The following ZFHX3 variants were observed in gnomAD, a reference collection of about 807,000 sequenced individuals.
ZFHX3 encodes zinc finger homeobox 3, also known as zinc finger homeobox protein 3.
Under a neutral mutation model 279.1 loss-of-function variants are expected in ZFHX3, and 42 were observed. The ratio of observed to expected loss-of-function variants is 0.15; its 90% CI spans 0.12 to 0.19. The LOEUF is 0.19. ZFHX3 is among the 10% of genes least tolerant of loss of function. The probability of loss-of-function intolerance (pLI) is 1.00; values close to 1 mark genes in which losing one functional copy is unlikely to be tolerated. For synonymous variants in ZFHX3, 2,293 were observed against 1,957.8 expected, an observed-to-expected ratio of 1.17 and a Z score of -4.52; for missense variants, 4,981 against 4,754.0, an observed-to-expected ratio of 1.05 and a Z score of -1.40.
intron 1 of ZFHX3, among the ~76,000 whole-genome samples, chr16:73,012,153 G>C (rs922533403): frequency 6.6e-6 from 1 of 152,172 alleles, no homozygotes; most frequent in Non-Finnish European, 1.5e-5. Flanking sequence ...CTGAGAACTT[G>C]ATCTCAAGTC....
chr16:73,148,182 G>A (rs980791656), intron 5 of ZFHX3, among the ~76,000 whole-genome samples: 1 of 152,194 alleles, frequency 6.6e-6, no homozygotes, highest in African/African-American at 2.4e-5. Flanking sequence ...GACTTGTTAT[G>A]ACAGAGACAG....
chr16:73,174,082 G>A (rs796345810), intron 5 of ZFHX3, among the ~76,000 whole-genome samples: 7 of 152,210 alleles, frequency 4.6e-5, no homozygotes, highest in African/African-American at 1.7e-4. Flanking sequence ...GTTAATGACC[G>A]GCTTGAGGTT....
intron 3 of ZFHX3, among the ~76,000 whole-genome samples, chr16:73,449,247 G>A (rs147496023): frequency 1.3e-5 from 2 of 152,156 alleles, no homozygotes; most frequent in African/African-American, 4.8e-5. Context: ...ATTTATTCTT[G>A]TGTGTTTATT....
At chr16:72,904,245 A>C (rs1004845120) in intron 3 of ZFHX3, among the ~76,000 whole-genome samples, 2 of 151,942 alleles carry the variant, frequency 1.3e-5, no homozygotes, top group African/African-American at 4.8e-5. Context: ...AGGCTCCTAT[A>C]ATCCCAGCTA....
intron 1 of ZFHX3, among the ~76,000 whole-genome samples, chr16:73,020,835 T>C (rs1374410293): frequency 6.6e-6 from 1 of 152,186 alleles, no homozygotes; most frequent in Non-Finnish European, 1.5e-5. Context: ...TGCAGCAGGA[T>C]GTCTTCCTAT....
chr16:73,672,219 CAG>C (rs890064526), intron 2 of ZFHX3, among the ~76,000 whole-genome samples: 14 of 152,272 alleles, frequency 9.2e-5, no homozygotes, highest in African/African-American at 3.4e-4. Context: ...ATTCCCATCT[CAG>C]AATCAGATTT....
chr16:73,124,810 G>A (rs1966542769), intron 7 of ZFHX3, among the ~76,000 whole-genome samples: 1 of 152,232 alleles, frequency 6.6e-6, no homozygotes, highest in South Asian at 2.1e-4. Context: ...GACAGAGCAG[G>A]TGGGGTCAAG....
chr16:73,859,509 T>C (rs1961826619), intron 1 of ZFHX3, among the ~76,000 whole-genome samples: 1 of 152,182 alleles, frequency 6.6e-6, no homozygotes, highest in Non-Finnish European at 1.5e-5. Flanking sequence ...AGTCATTGCA[T>C]TTCTCCATCA....
In ZFHX3 at chr16:73,260,680, G is replaced by GTTTTTTT. The variant is rs370384540; in HGVS notation, c.-1193-3551_-1193-3545dup. On this transcript the variant is annotated intron_variant, in intron 4 of 17. Coordinates refer to the ZFHX3 transcript ENST00000641206. ...TCTTTGTTAGTGGTGCACCTATCTG[G>GTTTTTTT]TTTTTTTTTTTTTTTTTTTTTTTTT... Among the ~76,000 whole-genome samples, 69 of 88,398 alleles carry GTTTTTTT rather than the reference G, an allele frequency of 7.8e-4. 2 individuals are homozygous for GTTTTTTT. The highest frequency in any genetic ancestry group is 5.4e-4 in the Non-Finnish European group (25 of 46,696). The allele number at this position is 88,398 out of a possible 152,430, so 58.0% of individuals were successfully genotyped here.
At chr16:73,859,438 C>T (rs1435161627) in intron 1 of ZFHX3, among the ~76,000 whole-genome samples, 1 of 152,158 alleles carries the variant, frequency 6.6e-6, no homozygotes, top group Non-Finnish European at 1.5e-5. Flanking sequence ...CCACCTGGTA[C>T]AAGGGGAAGA....
intron 4 of ZFHX3, among the ~76,000 whole-genome samples, chr16:72,883,025 T>TAGC (rs2038531200): frequency 6.8e-6 from 1 of 147,068 alleles, no homozygotes; most frequent in African/African-American, 2.5e-5. Flanking sequence ...TGTGTGTGTG[T>TAGC]GTGTGTGTGT....
chr16:73,473,371 A>AAAAAAC (rs2018709703), intron 2 of ZFHX3, among the ~76,000 whole-genome samples: 12 of 150,608 alleles, frequency 8.0e-5, no homozygotes, highest in African/African-American at 2.7e-4. Flanking sequence ...AAAAAAAAAA[A>AAAAAAC]ACAAAATAAT....
intron 5 of ZFHX3, among the ~76,000 whole-genome samples, chr16:73,151,418 T>G (rs74826966): frequency 6.6e-6 from 1 of 152,074 alleles, no homozygotes; most frequent in African/African-American, 2.4e-5. Flanking sequence ...AACAGCATTC[T>G]GTAGCAGGAA....
intron 3 of ZFHX3, among the ~76,000 whole-genome samples, chr16:73,425,676 G>A (rs1459818770): frequency 6.6e-6 from 1 of 152,100 alleles, no homozygotes; most frequent in Non-Finnish European, 1.5e-5. Flanking sequence ...GTGTGTGATG[G>A]AACAAAAGAA....
chr16:72,956,171 G>A lies in ZFHX3; in HGVS notation c.2719+1256C>T, dbSNP rs1398996238. ...GGAATGCTTTGAAATATAACTCATC[G>A]GCAACAATTAGCACTCAAACACCAC... is the stretch of plus-strand genomic sequence containing the variant. On this transcript the variant is annotated intron_variant, in intron 2 of 9. Transcript: ENST00000268489. Among the ~76,000 whole-genome samples the A allele has an allele frequency of 2.0e-5, 3 of 152,074 alleles. 1 individual carries two copies. The highest frequency in any genetic ancestry group is 2.0e-4 in the Admixed American group (3 of 15,278).
At chr16:73,814,807 A>T (rs1001452664) in intron 1 of ZFHX3, among the ~76,000 whole-genome samples, 1 of 152,098 alleles carries the variant, frequency 6.6e-6, no homozygotes, top group East Asian at 1.9e-4. Context: ...ACCTTAGGTG[A>T]TGTGCCCACC....
intron 2 of ZFHX3, among the ~76,000 whole-genome samples, chr16:73,633,801 G>A (rs2052500432): frequency 6.6e-6 from 1 of 152,076 alleles, no homozygotes; most frequent in African/African-American, 2.4e-5. Context: ...AGGAGGCTGA[G>A]GTGAGAGAAT....
chr16:73,278,825 C>T (rs968670583), intron 4 of ZFHX3, among the ~76,000 whole-genome samples: 6 of 152,218 alleles, frequency 3.9e-5, no homozygotes, highest in Middle Eastern at 3.4e-3. Context: ...CTGATTGGTG[C>T]ATTTTACAAT....
chr16:73,761,631 C>T (rs1371414602), intron 1 of ZFHX3, among the ~76,000 whole-genome samples: 1 of 152,154 alleles, frequency 6.6e-6, no homozygotes, highest in East Asian at 1.9e-4. Flanking sequence ...AGTACAAAAA[C>T]AGACACATAG....
Sources: allele counts gnomAD v4.1 joint callset (sites outside exome capture counted in the v4.1 genomes callset), GRCh38; gene constraint gnomAD v4.1.1; transcripts MANE v1.5; gene names NCBI Gene and HGNC (gene_info 2026-07-23, HGNC 2026-07-21).